Variants in DMD observed in about 807,000 individuals in gnomAD.
DMD encodes mutant dystrophin.
In DMD, 63 loss-of-function variants were observed where a neutral mutation model predicts 330.1. The ratio of observed to expected loss-of-function variants is 0.19; its 90% CI spans 0.16 to 0.24. The LOEUF is 0.24. Among genes scored for constraint, DMD ranks in the 10% least tolerant of loss-of-function variants. The probability of loss-of-function intolerance (pLI) is 1.00; values close to 1 mark genes in which losing one functional copy is unlikely to be tolerated. For missense variants in DMD, 3,344 were observed against 2,684.1 expected (o/e 1.25, Z -5.43); for synonymous variants, 1,223 against 959.8 (o/e 1.27, Z -5.07).
At chrX:32,519,856 C>G (rs1331060468) in intron 17 of DMD, among the ~76,000 whole-genome samples, 1 of 111,886 alleles carries the variant, frequency 8.9e-6, no homozygotes, top group Admixed American at 9.5e-5. Flanking sequence ...GAACACAAAG[C>G]CCTTAGAAAA....
intron 2 of DMD, among the ~76,000 whole-genome samples, chrX:32,858,571 G>A (rs749402248): frequency 1.3e-4 from 14 of 111,329 alleles, no homozygotes; most frequent in South Asian, 3.8e-4. Flanking sequence ...CTTGTGATCC[G>A]CCTCCCTCAG....
intron 44 of DMD, among the ~76,000 whole-genome samples, chrX:32,209,816 A>G (rs1368082731): frequency 8.9e-6 from 1 of 111,866 alleles, no homozygotes; most frequent in African/African-American, 3.2e-5. Flanking sequence ...ATAATGTATG[A>G]AAATCTGTCA....
At chrX:31,948,725 A>G (rs1342753359) in intron 45 of DMD, among the ~76,000 whole-genome samples, 6 of 110,903 alleles carry the variant, frequency 5.4e-5, no homozygotes, top group Non-Finnish European at 1.1e-4. Context: ...AAATCAAGTT[A>G]TTTGCCTTTT....
At chrX:32,887,217 G>A (rs1414324869) in intron 2 of DMD, among the ~76,000 whole-genome samples, 1 of 109,145 alleles carries the variant, frequency 9.2e-6, no homozygotes, top group East Asian at 2.9e-4. Flanking sequence ...CGTGCTGACA[G>A]GAGCCTGTAG....
intron 1 of DMD, among the ~76,000 whole-genome samples, chrX:33,330,487 G>C (rs2054156433): frequency 1.8e-5 from 2 of 111,781 alleles, no homozygotes. Context: ...TCTAATTAAA[G>C]AGTGTTAGAC....
intron 2 of DMD, among the ~76,000 whole-genome samples, chrX:33,014,545 A>C (rs1423061759): frequency 9.0e-6 from 1 of 111,525 alleles, no homozygotes; most frequent in African/African-American, 3.3e-5. Flanking sequence ...GAACAGATTC[A>C]ACCAATGTAG....
intron 1 of DMD, among the ~76,000 whole-genome samples, chrX:33,032,425 T>C (rs1339351305): frequency 1.8e-5 from 2 of 112,147 alleles, no homozygotes; most frequent in African/African-American, 6.5e-5. Flanking sequence ...CTGACTAATA[T>C]AGCAGGTAAA....
chrX:31,490,137 A>T (rs998548356), intron 57 of DMD, among the ~76,000 whole-genome samples: 10 of 112,379 alleles, frequency 8.9e-5, no homozygotes, highest in Non-Finnish European at 1.7e-4. Context: ...TCAAACTTAT[A>T]CAAAAATGAT....
chrX:32,381,734 G>A (rs937639742), intron 33 of DMD, among the ~76,000 whole-genome samples: 2 of 111,174 alleles, frequency 1.8e-5, no homozygotes, highest in African/African-American at 6.5e-5. Context: ...TACATAAAGA[G>A]TTTATACTCT....
At chrX:31,397,657 A>T (rs1195884091) in intron 60 of DMD, among the ~76,000 whole-genome samples, 1 of 112,542 alleles carries the variant, frequency 8.9e-6, no homozygotes, top group Non-Finnish European at 1.9e-5. Context: ...GGAAATAGCT[A>T]TCTGCAACGA....
intron 17 of DMD, among the ~76,000 whole-genome samples, chrX:32,529,567 G>A (rs931060199): frequency 9.3e-6 from 1 of 107,888 alleles, no homozygotes; most frequent in Non-Finnish European, 1.9e-5. Flanking sequence ...ACTGAGACCT[G>A]TCTCAGATTT....
intron 2 of DMD, among the ~76,000 whole-genome samples, chrX:32,958,201 G>C (rs748293576): frequency 9.0e-6 from 1 of 111,369 alleles, no homozygotes; most frequent in South Asian, 3.7e-4. Flanking sequence ...AGCTATCTGT[G>C]TTTATGGTAT....
intron 1 of DMD, among the ~76,000 whole-genome samples, chrX:33,328,404 G>A (rs191064351): frequency 2.0e-3 from 221 of 110,217 alleles, no homozygotes; most frequent in African/African-American, 7.0e-3. Flanking sequence ...CACCATATTG[G>A]CCAGGCTGGT....
chrX:32,166,740 G>A (rs1042426086), intron 44 of DMD, among the ~76,000 whole-genome samples: 1 of 111,312 alleles, frequency 9.0e-6, no homozygotes, highest in Admixed American at 9.6e-5. Context: ...CTAGTAGAAG[G>A]AACAGTCATG....
intron 6 of DMD, among the ~76,000 whole-genome samples, chrX:32,810,084 C>T (rs1264195215): frequency 9.0e-6 from 1 of 110,636 alleles, no homozygotes; most frequent in Admixed American, 9.7e-5. Context: ...AATCGTGCCA[C>T]TGTACTCTAG....
intron 16 of DMD, among the ~76,000 whole-genome samples, chrX:32,546,972 AC>A: frequency 8.9e-6 from 1 of 112,129 alleles, no homozygotes; most frequent in Admixed American, 9.5e-5. Flanking sequence ...AAGAGCATTT[AC>A]TTTGTAATTT....
chrX:32,031,464 A>C (rs2095882588), intron 44 of DMD, among the ~76,000 whole-genome samples: 1 of 110,570 alleles, frequency 9.0e-6, no homozygotes, highest in Non-Finnish European at 1.9e-5. Flanking sequence ...AGTTCTTACC[A>C]CCGCAAAAAT....
intron 60 of DMD, among the ~76,000 whole-genome samples, chrX:31,443,441 G>T (rs754274300): frequency 9.0e-6 from 1 of 111,673 alleles, no homozygotes; most frequent in South Asian, 3.8e-4. Flanking sequence ...GCTAGAATTT[G>T]TAGAGTGTTT....
At chrX:32,625,685 A>AC (rs1409118418) in intron 11 of DMD, among the ~76,000 whole-genome samples, 3 of 112,536 alleles carry the variant, frequency 2.7e-5, no homozygotes, top group Admixed American at 9.4e-5. Context: ...GCTTTATGGA[A>AC]ATACATTATA....
Sources: allele counts gnomAD v4.1 joint callset (sites outside exome capture counted in the v4.1 genomes callset), GRCh38; gene constraint gnomAD v4.1.1; transcripts MANE v1.5; gene names NCBI Gene and HGNC (gene_info 2026-07-23, HGNC 2026-07-21).